Variants in TUBGCP2 observed in about 807,000 individuals in gnomAD.
The protein encoded by TUBGCP2 is gamma-tubulin complex component 2.
Under a neutral mutation model 92.2 loss-of-function variants are expected in TUBGCP2, and 55 were observed. The ratio of observed to expected loss-of-function variants is 0.60; its 90% CI spans 0.48 to 0.75. The LOEUF (loss-of-function observed/expected upper bound fraction) is 0.75, where lower values mean the gene tolerates loss of function less well. Among genes scored for constraint, TUBGCP2 ranks in the 30% least tolerant of loss-of-function variants. The pLI, the probability that TUBGCP2 is intolerant of heterozygous loss-of-function variation, is 0.00. For synonymous variants in TUBGCP2, 533 were observed against 505.2 expected, an observed-to-expected ratio of 1.06 and a Z score of -0.74; for missense variants, 1,093 against 1,188.9, an observed-to-expected ratio of 0.92 and a Z score of 1.19.
At chr10:133,309,999 G>C (rs753687652), upstream of TUBGCP2, 1 of 1,611,662 alleles carries the variant, frequency 6.2e-7, no homozygotes, top group Non-Finnish European at 8.5e-7. Flanking sequence ...CTGCACAGCC[G>C]CCGAGGCCAC....
rs1564938964 is a variant in TUBGCP2, at chr10:133,291,331, A to ACACT, written c.1214+1167_1214+1168insAGTG. Among the ~76,000 whole-genome samples, 3 of 14,256 alleles carry ACACT rather than the reference A, an allele frequency of 2.1e-4. 1 individual carries two copies. The highest frequency in any genetic ancestry group is 2.4e-4 in the Non-Finnish European group (2 of 8,366). The allele number at this position is 14,256 out of a possible 152,430, so 9.4% of individuals were successfully genotyped here. On this transcript the variant is annotated intron_variant, in intron 8 of 17. Transcript: ENST00000252936. ...ACCTGTACGGGAGAGGGCAGCATGC[A>ACACT]CCGTCCGTGTCCCCCATGTCCCTCC... is the stretch of plus-strand genomic sequence containing the variant.
At chr10:133,306,821 T>G (rs1847831056) in intron 1 of TUBGCP2, among the ~76,000 whole-genome samples, 2 of 152,132 alleles carry the variant, frequency 1.3e-5, no homozygotes, top group African/African-American at 4.8e-5. Flanking sequence ...AAAACTACCT[T>G]CAGGAAACTT....
In TUBGCP2 at chr10:133,299,552, C is replaced by T. The variant is rs2298121; in HGVS notation, c.331G>A (p.Ala111Thr). 20,822 of 1,613,484 alleles carry T rather than the reference C, an allele frequency of 0.013. 729 individuals carry two copies. The highest frequency in any genetic ancestry group is 0.12 in the African/African-American group (9,288 of 74,996). The part of the protein sequence containing the change: ...NAKERAELAA[A>T]AVGSSTTSIN... Reference sequence around the variant, plus strand: ...CTGGTGGTACTGCTGCCCACAGCAGCGGCTGCAAGCTCAGCTCTTTCTTTT... The same window carrying T: ...CTGGTGGTACTGCTGCCCACAGCAGTGGCTGCAAGCTCAGCTCTTTCTTTT... Residue 111 changes from alanine to threonine, a missense_variant, in exon 4 of 18, where the codon GCT (alanine) becomes ACT (threonine). Physicochemically the swap from Ala to Thr is moderately conservative, Grantham distance 58. Around this residue, in one of 3 missense-constraint regions of TUBGCP2, gnomAD observed 490 missense variants for 488.5 expected, o/e 1.00. Coordinates refer to ENST00000252936, the MANE Select transcript of TUBGCP2 (RefSeq NM_006659.4).
Position 133,297,990 on chromosome 10 carries a change from A to C in TUBGCP2, c.578T>G (p.Ile193Ser). Residue 193 changes from isoleucine (I) to serine (S), a missense_variant, in exon 5 of 18, where the codon ATT (isoleucine) becomes AGT (serine). Physicochemically the swap from Ile to Ser is moderately radical, Grantham distance 142 (BLOSUM62 -2). Coordinates refer to ENST00000252936, the MANE Select transcript of TUBGCP2 (RefSeq NM_006659.4). Reference sequence around the variant, plus strand: ...GGTGTCTGTGCTGATGCCAGCACCAATCAGGAAATCCCCGATCAGGGCAGG... The same window carrying C: ...GGTGTCTGTGCTGATGCCAGCACCACTCAGGAAATCCCCGATCAGGGCAGG... ...ERPALIGDFLIGAGISTDTAL... is the reference protein window; with the variant it reads ...ERPALIGDFLSGAGISTDTAL... 2 of 1,613,948 alleles carry C rather than the reference A, an allele frequency of 1.2e-6. No individual in the cohort carries two copies. The highest frequency in any genetic ancestry group is 1.7e-6 in the Non-Finnish European group (2 of 1,179,912).
intron 5 of TUBGCP2, among the ~76,000 whole-genome samples, chr10:133,296,268 A>G (rs1460171254): frequency 1.3e-5 from 2 of 152,110 alleles, no homozygotes; most frequent in African/African-American, 2.4e-5. Context: ...CTGCTCCAAA[A>G]AGCCGGCTCC....
rs1589825020 is a variant in TUBGCP2, at chr10:133,288,127, A to G, written c.1722+2T>C. The G allele has an allele frequency of 1.2e-6, 2 of 1,607,668 alleles. No homozygotes were observed. The highest frequency in any genetic ancestry group is 1.7e-4 in the Middle Eastern group (1 of 6,032). On this transcript the variant is annotated splice_donor_variant, in intron 11 of 17. Transcript: ENST00000252936. LOFTEE classifies it high-confidence loss of function. The stretch of plus-strand genomic sequence containing the variant: ...GGGACAGCCCCCGGCACCCCCACCC[A>G]CCTTGAGGTCGTCCTTGAAGGGGTC...
chr10:133,293,404 T>C (rs1163079568), intron 6 of TUBGCP2, among the ~76,000 whole-genome samples, 158 bp downstream of exon 6: 2 of 152,224 alleles, frequency 1.3e-5, no homozygotes, highest in African/African-American at 4.8e-5. Flanking sequence ...CCCTGGATGG[T>C]GACTCACAGA....
At position 133,285,507 on chromosome 10, in the gene TUBGCP2, G is replaced by A. The variant is rs1381650887; in HGVS notation, c.1844C>T (p.Ala615Val). The change falls in exon 12 of 18, where the codon GCC (alanine) becomes GTC (valine). Residue 615 changes from alanine to valine, a missense_variant. Ala to Val is a moderately conservative substitution (Grantham distance 64). Transcript: ENST00000252936. This position sits in a 1 kb window ranked among gnomAD's most constrained non-coding sequence, Gnocchi z 6.8. ...PTELALSGLE[A>V]FSFDYIVKWP... ...CTTGACGATGTAGTCGAAAGAGAAG[G>A]CCTCCAGGCCGCTCAGCGCCAGCTC... 6.2e-7 allele frequency: 1 copy of A among 1,608,816 alleles called. No homozygotes were observed. The highest frequency in any genetic ancestry group is 8.5e-7 in the Non-Finnish European group (1 of 1,176,052).
At chr10:133,309,090 C>T (rs1414095138), upstream of TUBGCP2, 3 of 1,316,380 alleles carry the variant, frequency 2.3e-6, no homozygotes, top group Non-Finnish European at 2.9e-6. Flanking sequence ...AGCACCAGTT[C>T]TTCGAGGTGC....
rs779055637 is a variant in TUBGCP2, at chr10:133,281,353, G to C, written c.2493C>G (p.Ala831=). The C allele has an allele frequency of 3.9e-5, 63 of 1,613,742 alleles. No individual in the cohort carries two copies. Among genetic ancestry groups the C allele is most frequent in the Non-Finnish European group, 5.0e-5 (59 of 1,180,022 alleles). The change falls in exon 17 of 18, where the codon GCC becomes GCG. Residue 831 remains alanine, a synonymous_variant. Coordinates refer to ENST00000252936, the MANE Select transcript of TUBGCP2 (RefSeq NM_006659.4). ...GCCGGGCCAGGAGGTCCAGCAGGTGGGCTGAGAAGTTCTTGTCAAACTTGT... is the reference window on the plus strand; with the variant it reads ...GCCGGGCCAGGAGGTCCAGCAGGTGCGCTGAGAAGTTCTTGTCAAACTTGT... The part of the protein sequence containing the change: ...TINKFDKNFS[A]HLLDLLARLS...
chr10:133,302,855 A>G lies in TUBGCP2; in HGVS notation c.87T>C (p.Ile29=), dbSNP rs766048641. 7 of 1,613,874 alleles carry G rather than the reference A, an allele frequency of 4.3e-6. No individual in the cohort carries two copies. Among genetic ancestry groups the G allele is most frequent in the Admixed American group, 1.7e-5 (1 of 60,028 alleles). Residue 29 remains isoleucine (I), a synonymous_variant, in exon 2 of 18, where the codon ATT becomes ATC. Transcript: ENST00000252936. ...GGGTCCTGTTCTTTTGAAGCAGGTC[A>G]ATGTAGACCTCAGCCCCATCTCCTC... ...VHGGDGAEVY[I]DLLQKNRTPY...
At chr10:133,292,893 A>C in intron 7 of TUBGCP2, 146 bp downstream of exon 7, 1 of 1,102,854 alleles carries the variant, frequency 9.1e-7, no homozygotes, top group Non-Finnish European at 1.3e-6. Context: ...GCAAGTTAAT[A>C]GCACATGGAG....
chr10:133,311,693 TACTC>T, upstream of TUBGCP2: 5 of 1,599,564 alleles, frequency 3.1e-6, no homozygotes, highest in Non-Finnish European at 3.4e-6. Flanking sequence ...GCAGGGCAGT[TACTC>T]ACTGCTCTCT....
intron 3 of TUBGCP2, 42 bp from the exon 4 acceptor site, chr10:133,299,645 CT>C: frequency 6.5e-7 from 1 of 1,530,486 alleles, no homozygotes; most frequent in East Asian, 2.3e-5. Context: ...GGGCCAGCAC[CT>C]CTTTGGCCAT....
upstream of TUBGCP2, chr10:133,309,979 T>G (rs1589842785): frequency 6.2e-7 from 1 of 1,612,452 alleles, no homozygotes; most frequent in Non-Finnish European, 8.5e-7. Context: ...CAGGACATGG[T>G]GGGTGACAAC....
Position 133,283,211 on chromosome 10 carries a change from A to G in TUBGCP2, c.2156T>C (p.Ile719Thr), listed in dbSNP as rs772931433. The G allele has an allele frequency of 8.7e-6, 14 of 1,614,166 alleles. No individual in the cohort carries two copies. Among genetic ancestry groups the G allele is most frequent in the African/African-American group, 1.3e-5 (1 of 75,052 alleles). The change falls in exon 15 of 18, where the codon ATT becomes ACT. Residue 719 changes from isoleucine (I) to threonine (T), a missense_variant. This residue lies in a region of TUBGCP2 where 598 missense variants were observed against 675.5 expected (regional missense o/e 0.89). Transcript: ENST00000252936. ...TGTGTGGTGGCCAAGGACGTCGTCAATGTTGGAGGCCTGCGGGGAACAGGC... is the reference window on the plus strand; with the variant it reads ...TGTGTGGTGGCCAAGGACGTCGTCAGTGTTGGAGGCCTGCGGGGAACAGGC... The part of the protein sequence containing the change: ...LEKNLKSASN[I>T]DDVLGHHTGF...
intron 1 of TUBGCP2, 25 bp from the exon 2 acceptor site, chr10:133,303,005 A>G (rs1380241575): frequency 6.9e-6 from 11 of 1,592,776 alleles, no homozygotes; most frequent in East Asian, 2.2e-5. Context: ...ACAGCTATTC[A>G]TAAAATTCAA....
chr10:133,294,337 GC>G (rs1355356811), intron 5 of TUBGCP2, among the ~76,000 whole-genome samples: 1 of 152,196 alleles, frequency 6.6e-6, no homozygotes, highest in East Asian at 1.9e-4. Flanking sequence ...TGCCTGGGGG[GC>G]CGGGAGGAGC....
At chr10:133,283,690 A>ACGCCC (rs1847048709) in intron 14 of TUBGCP2, among the ~76,000 whole-genome samples, 192 bp downstream of exon 14, 1 of 12,290 alleles carries the variant, frequency 8.1e-5, no homozygotes, top group South Asian at 3.9e-3. Context: ...CCTCTCCCGC[A>ACGCCC]TTCCCTGCCT....
Sources: allele counts gnomAD v4.1 joint callset (sites outside exome capture counted in the v4.1 genomes callset), GRCh38; gene constraint gnomAD v4.1.1; regional missense constraint gnomAD v4.1.1; non-coding constraint Gnocchi (gnomAD v3.1); transcripts MANE v1.5; gene names NCBI Gene and HGNC (gene_info 2026-07-23, HGNC 2026-07-21).